Variants in PITPNM2 observed in about 807,000 individuals in gnomAD.
PITPNM2 encodes membrane-associated phosphatidylinositol transfer protein 2.
PITPNM2 carries 35 observed loss-of-function variants against 132.2 expected under a neutral mutation model. The ratio of observed to expected loss-of-function variants is 0.26; its 90% CI spans 0.20 to 0.35. PITPNM2 has a LOEUF of 0.35. Among genes scored for constraint, PITPNM2 ranks in the 10% least tolerant of loss-of-function variants. The pLI is 1.00. For missense variants in PITPNM2, 1,332 were observed against 1,912.0 expected (o/e 0.70, Z 5.66); for synonymous variants, 738 against 799.2 (o/e 0.92, Z 1.29).
chr12:122,994,060 G>C lies in PITPNM2; in HGVS notation c.2233+741C>G, dbSNP rs2038311102. Among the ~76,000 whole-genome samples, 1 of 152,182 alleles carries C rather than the reference G, an allele frequency of 6.6e-6. No individual in the cohort carries two copies. The highest frequency in any genetic ancestry group is 6.5e-5 in the Admixed American group (1 of 15,294). On this transcript the variant is annotated intron_variant, in intron 15 of 25. Transcript: ENST00000320201. The surrounding 1 kb of genome is among the most constrained non-coding windows in gnomAD (Gnocchi z 5.4). ...TGGCTAATTTTGTAATTTTAGTAGAGACGGGGTTTCTCCATGTTGGTCAGG... is the reference window on the plus strand; with the variant it reads ...TGGCTAATTTTGTAATTTTAGTAGACACGGGGTTTCTCCATGTTGGTCAGG...
At chr12:123,068,490 TAA>T in intron 2 of PITPNM2, among the ~76,000 whole-genome samples, 1 of 102,126 alleles carries the variant, frequency 9.8e-6, no homozygotes, top group Non-Finnish European at 2.4e-5. Context: ...AATAAATAAA[TAA>T]ATAAATAAAA....
chr12:123,141,991 G>C lies in PITPNM2; in HGVS notation c.-200+8762C>G, dbSNP rs183559326. On this transcript the variant is annotated intron_variant, in intron 1 of 25. Coordinates refer to ENST00000320201, the MANE Select transcript of PITPNM2 (RefSeq NM_020845.3). ...CAGACAGAACATTCCTCAGGAAAGA[G>C]AACTTTTAGTGGGGGTGTGGTGGGG... Among the ~76,000 whole-genome samples, 6 of 152,300 alleles carry C rather than the reference G, an allele frequency of 3.9e-5. No individual in the cohort carries two copies. The East Asian group carries it at 9.6e-4, about 24-fold the overall frequency.
rs759011999 is a variant in PITPNM2, at chr12:123,085,057, T to C, written c.-96+25328A>G. 1.4e-3 allele frequency among the ~76,000 whole-genome samples: 207 copies of C among 152,320 alleles called. 1 individual carries two copies. The highest frequency in any genetic ancestry group is 2.2e-3 in the Non-Finnish European group (148 of 68,024). ...AGATGGGAGAGACAAGGCTGAGAGATGTCAGGTGCCCAAGCACAGAAATCA... is the reference window on the plus strand; with the variant it reads ...AGATGGGAGAGACAAGGCTGAGAGACGTCAGGTGCCCAAGCACAGAAATCA... On this transcript the variant is annotated intron_variant, in intron 2 of 25. Transcript: ENST00000320201.
intron 3 of PITPNM2, chr12:123,021,625 C>T: frequency 2.1e-6 from 2 of 968,198 alleles, no homozygotes; most frequent in Non-Finnish European, 2.5e-6. Context: ...AGGTGAAGAC[C>T]ATTCCCCTTG....
chr12:123,073,365 C>A (rs1483832619), intron 2 of PITPNM2, among the ~76,000 whole-genome samples: 2 of 152,194 alleles, frequency 1.3e-5, no homozygotes, highest in Non-Finnish European at 2.9e-5. Flanking sequence ...CATCTCTGGG[C>A]ATAAACACTC....
chr12:123,069,753 G>A (rs947564275), intron 2 of PITPNM2, among the ~76,000 whole-genome samples: 8 of 152,136 alleles, frequency 5.3e-5, no homozygotes, highest in Non-Finnish European at 1.5e-5. Context: ...CCCAGGGCTC[G>A]GCCACAGCAG....
chr12:123,089,531 G>A (rs1257851670), intron 2 of PITPNM2: 1 of 152,146 alleles, frequency 6.6e-6, no homozygotes, highest in Non-Finnish European at 1.5e-5. Context: ...GAGTCTCAGG[G>A]GTCTTTAAAG....
rs2042374452 is a variant in PITPNM2 at position 123,095,174 on chromosome 12, T to G, written c.-96+15211A>C. Among the ~76,000 whole-genome samples the G allele has an allele frequency of 6.6e-6, 1 of 152,080 alleles. No individual in the cohort carries two copies. On this transcript the variant is annotated intron_variant, in intron 2 of 25. Transcript: ENST00000320201. This position sits in a 1 kb window ranked among gnomAD's most constrained non-coding sequence, Gnocchi z 5.0. ...GGCTGATTCAGGGCTTGGAACGTGGTGAGGGGGCCCAGGGGAATGGGCTGC... is the reference window on the plus strand; with the variant it reads ...GGCTGATTCAGGGCTTGGAACGTGGGGAGGGGGCCCAGGGGAATGGGCTGC...
chr12:123,138,531 T>C (rs549678227), intron 1 of PITPNM2, among the ~76,000 whole-genome samples: 1 of 152,326 alleles, frequency 6.6e-6, no homozygotes, highest in East Asian at 1.9e-4. Flanking sequence ...TACAACATGG[T>C]TGAACCTTGA....
chr12:123,055,290 T>C (rs2040986400), intron 2 of PITPNM2, among the ~76,000 whole-genome samples: 1 of 152,200 alleles, frequency 6.6e-6, no homozygotes, highest in African/African-American at 2.4e-5. Context: ...TAAAGTCCAG[T>C]GTTCCCAACG....
At chr12:123,119,669 C>A (rs1224263567) in intron 1 of PITPNM2, among the ~76,000 whole-genome samples, 1 of 152,030 alleles carries the variant, frequency 6.6e-6, no homozygotes, top group African/African-American at 2.4e-5. Context: ...AGGATGTGAT[C>A]TTAATCACAC....
intron 17 of PITPNM2, among the ~76,000 whole-genome samples, chr12:122,990,202 G>T (rs569462201): frequency 6.6e-6 from 1 of 152,270 alleles, no homozygotes; most frequent in African/African-American, 2.4e-5. Context: ...GGACTGAGAA[G>T]GGAACCCGGG....
intron 1 of PITPNM2, among the ~76,000 whole-genome samples, chr12:123,112,875 T>G (rs550551435): frequency 1.3e-5 from 2 of 152,186 alleles, no homozygotes; most frequent in Non-Finnish European, 2.9e-5. Context: ...TTTGGAAAAC[T>G]GCAGGGGAAA....
chr12:123,042,908 C>T (rs751235778), intron 2 of PITPNM2, among the ~76,000 whole-genome samples: 10 of 152,012 alleles, frequency 6.6e-5, no homozygotes, highest in African/African-American at 2.4e-4. Context: ...AGCAACCATC[C>T]CCTTATGCCT....
rs147746695 is a variant in PITPNM2, at chr12:123,141,561, G to A, written c.-200+9192C>T. On this transcript the variant is annotated intron_variant, in intron 1 of 25. Coordinates refer to ENST00000320201, the MANE Select transcript of PITPNM2 (RefSeq NM_020845.3). ...CTTCCCTGGAGAAAGAAGAGCAGCC[G>A]TCTCCTGGAGAGGGAAGAGCAGCCG... Among the ~76,000 whole-genome samples, 22 of 152,202 alleles carry A rather than the reference G, an allele frequency of 1.4e-4. No homozygotes were observed. The East Asian group carries it at 2.3e-3, about 16-fold the overall frequency.
In PITPNM2 at chr12:122,983,507, T is replaced by TA. The variant is rs2037807895; in HGVS notation, c.*2519dup. ...AGCCTTCCCGCTTCTTTAATTGGTG[T>TA]AACAGACATGACGTTGTATACAGAG... is the stretch of plus-strand genomic sequence containing the variant. On this transcript the variant is annotated 3_prime_UTR_variant, in exon 26 of 26. Transcript: ENST00000320201. 1 of 152,706 alleles carries TA rather than the reference T, an allele frequency of 6.5e-6. No individual in the cohort carries two copies. The highest frequency in any genetic ancestry group is 2.1e-4 in the South Asian group (1 of 4,836). The allele number at this position is 152,706 out of a possible 1,614,324, so 9.5% of individuals were successfully genotyped here.
rs1192045107 is a variant in PITPNM2, at chr12:123,002,511, C to G, written c.1049-1353G>C. On this transcript the variant is annotated intron_variant, in intron 8 of 25. Transcript: ENST00000320201. Reference sequence around the variant, plus strand: ...TACTGCAGCCTTGACCTCCTGGGCTCAAGTGATCCTCCCATCTCAGCCTCC... The same window carrying G: ...TACTGCAGCCTTGACCTCCTGGGCTGAAGTGATCCTCCCATCTCAGCCTCC... Among the ~76,000 whole-genome samples, 5 of 152,138 alleles carry G rather than the reference C, an allele frequency of 3.3e-5. No homozygotes were observed. The East Asian group carries it at 9.6e-4, about 29-fold the overall frequency.
At position 123,058,736 on chromosome 12, in the gene PITPNM2, C is replaced by T. The variant is rs542554224; in HGVS notation, c.-95-24051G>A. ...GCGCTGTAGAAGCTGGTAACTGTTG[C>T]CTGAGGCATTTGCTCAAGTGCTCAA... is the stretch of plus-strand genomic sequence containing the variant. On this transcript the variant is annotated intron_variant, in intron 2 of 25. Transcript: ENST00000320201. This position sits in a 1 kb window ranked among gnomAD's most constrained non-coding sequence, Gnocchi z 4.0. 4.6e-5 allele frequency among the ~76,000 whole-genome samples: 7 copies of T among 152,304 alleles called. No homozygotes were observed. The highest frequency in any genetic ancestry group is 1.2e-4 in the African/African-American group (5 of 41,552).
intron 1 of PITPNM2, among the ~76,000 whole-genome samples, chr12:123,144,761 C>T (rs975674515): frequency 3.3e-5 from 5 of 152,096 alleles, no homozygotes; most frequent in African/African-American, 7.2e-5. Flanking sequence ...CACAGGGTTT[C>T]ACCATGTTGG....
Sources: gnomAD v4.1 joint callset for allele counts (sites outside exome capture counted in the v4.1 genomes callset) on GRCh38, gnomAD v4.1.1 for gene constraint, Gnocchi (gnomAD v3.1) non-coding constraint, MANE v1.5 for transcripts, NCBI Gene and HGNC (gene_info 2026-07-23, HGNC 2026-07-21) for gene names.